Variants in PCDHA4 observed in about 807,000 individuals in gnomAD.
PCDHA4 encodes protocadherin alpha-4.
Under a neutral mutation model 61.4 loss-of-function variants are expected in PCDHA4, and 49 were observed. The ratio of observed to expected loss-of-function variants is 0.80; its 90% CI spans 0.63 to 1.01. PCDHA4 has a LOEUF of 1.01. Among genes scored for constraint, PCDHA4 ranks in the 50% least tolerant of loss-of-function variants. The probability of loss-of-function intolerance (pLI) is 0.00; values close to 1 mark genes in which losing one functional copy is unlikely to be tolerated. For synonymous variants in PCDHA4, 590 were observed against 550.3 expected, an observed-to-expected ratio of 1.07 and a Z score of -1.01; for missense variants, 1,254 against 1,235.8, an observed-to-expected ratio of 1.01 and a Z score of -0.22.
chr5:140,928,105 C>T, intron 1 of PCDHA4: 6 of 1,614,150 alleles, frequency 3.7e-6, no homozygotes, highest in Middle Eastern at 1.6e-4. Flanking sequence ...GCCCCTGGAC[C>T]GGGAGCAGAT....
chr5:140,809,319 T>A lies in PCDHA4; in HGVS notation c.2132T>A (p.Leu711Ter), dbSNP rs782158465. The part of the protein sequence containing the change: ...IIAICAVSSL[L>*]VLTLLLYTAL... ...GCCATCTGCGCGGTGTCCAGCCTTTTGGTGCTCACGCTGCTGCTGTACACC... is the reference window on the plus strand; with the variant it reads ...GCCATCTGCGCGGTGTCCAGCCTTTAGGTGCTCACGCTGCTGCTGTACACC... Residue 711 changes from leucine (L) to a stop codon, truncating the protein, a stop_gained, in exon 1 of 4, where the codon TTG becomes TAG. Coordinates refer to ENST00000530339, the MANE Select transcript of PCDHA4 (RefSeq NM_018907.4). LOFTEE classifies it high-confidence loss of function. The A allele has an allele frequency of 1.9e-6, 3 of 1,614,108 alleles. No individual in the cohort carries two copies. The highest frequency in any genetic ancestry group is 2.2e-5 in the South Asian group (2 of 91,090).
chr5:140,852,042 T>C, intron 1 of PCDHA4: 1 of 921,096 alleles, frequency 1.1e-6, no homozygotes, highest in African/African-American at 1.8e-5. Context: ...GAGTTTTTGT[T>C]ATGTGGTTTA....
intron 1 of PCDHA4, chr5:140,823,705 CA>C: frequency 1.2e-6 from 2 of 1,613,974 alleles, no homozygotes; most frequent in Non-Finnish European, 1.7e-6. Context: ...AGCACCGCGC[CA>C]CCGCCTTCTG....
rs537367595 is a variant in PCDHA4, at chr5:140,855,783, A to G, written c.2385+46211A>G. The G allele has an allele frequency of 2.9e-4, 123 of 423,664 alleles. 6 individuals carry two copies. Among genetic ancestry groups the G allele is most frequent in the Non-Finnish European group, 4.5e-4 (106 of 237,548 alleles). 26.2% of individuals were successfully genotyped at this position (423,664 alleles called of 1,614,324 possible). On this transcript the variant is annotated intron_variant, in intron 1 of 3. Coordinates refer to ENST00000530339, the MANE Select transcript of PCDHA4 (RefSeq NM_018907.4). ...TCCATAGACATAAAAATACGTAAAA[A>G]AAGAATTAACATATGAATGAAAGAA...
intron 1 of PCDHA4, among the ~76,000 whole-genome samples, chr5:140,844,656 C>T (rs1473422243): frequency 6.7e-6 from 1 of 149,316 alleles, no homozygotes; most frequent in African/African-American, 2.5e-5. Flanking sequence ...TTCTTGCAAA[C>T]CAAACATATA....
Position 140,808,173 on chromosome 5 carries a change from C to A in PCDHA4, c.986C>A (p.Pro329Gln). 1 of 1,614,268 alleles carries A rather than the reference C, an allele frequency of 6.2e-7. No homozygotes were observed. The highest frequency in any genetic ancestry group is 8.5e-7 in the Non-Finnish European group (1 of 1,180,054). Reference sequence around the variant, plus strand: ...GAGGGCATTGATAAGGGACAGCTCCCACTTTCTGGCCATTGTAGAGTTATT... The same window carrying A: ...GAGGGCATTGATAAGGGACAGCTCCAACTTTCTGGCCATTGTAGAGTTATT... ...IVEGIDKGQL[P>Q]LSGHCRVIVE... is the part of the protein sequence containing the mutation. The change falls in exon 1 of 4, where the codon CCA becomes CAA. Residue 329 changes from proline (P) to glutamine (Q), a missense_variant. Transcript: ENST00000530339.
intron 1 of PCDHA4, among the ~76,000 whole-genome samples, chr5:140,833,473 A>T (rs1772481648): frequency 6.6e-6 from 1 of 152,222 alleles, no homozygotes; most frequent in African/African-American, 2.4e-5. Context: ...ATTTTAAAAG[A>T]AATAATACAA....
At chr5:141,002,184 T>A (rs1554258557) in intron 3 of PCDHA4, among the ~76,000 whole-genome samples, 1 of 152,218 alleles carries the variant, frequency 6.6e-6, no homozygotes, top group East Asian at 1.9e-4. Flanking sequence ...CAGAGTGCTG[T>A]CTGGCAAGAT....
chr5:140,930,231 A>G (rs1234850185), intron 1 of PCDHA4: 3 of 152,238 alleles, frequency 2.0e-5, no homozygotes, highest in Non-Finnish European at 4.4e-5. Context: ...TGCACTTACC[A>G]TCCAAAGTCC....
intron 1 of PCDHA4, chr5:140,814,277 T>C (rs1218158800): frequency 1.3e-5 from 2 of 152,348 alleles, no homozygotes; most frequent in African/African-American, 2.4e-5. Context: ...CCTAGGACTG[T>C]ATTGGGTCAG....
At chr5:140,911,202 A>C (rs1554194649) in intron 1 of PCDHA4, among the ~76,000 whole-genome samples, 1 of 152,184 alleles carries the variant, frequency 6.6e-6, no homozygotes. Flanking sequence ...ACATGTTGCC[A>C]CTACTGGGGA....
intron 3 of PCDHA4, among the ~76,000 whole-genome samples, chr5:141,005,681 G>A (rs970656529): frequency 2.7e-5 from 3 of 112,616 alleles, no homozygotes; most frequent in African/African-American, 3.6e-5. Flanking sequence ...CAGCCTGGGC[G>A]ACAGAGCGAA....
chr5:140,869,652 A>C (rs2051311295), intron 1 of PCDHA4: 4 of 1,613,458 alleles, frequency 2.5e-6, no homozygotes, highest in South Asian at 2.2e-5. Context: ...TAGATTCACC[A>C]ACAAATGGTA....
At position 140,877,725 on chromosome 5, in the gene PCDHA4, G is replaced by T. The variant is rs570815670; in HGVS notation, c.2385+68153G>T. On this transcript the variant is annotated intron_variant, in intron 1 of 3. Coordinates refer to ENST00000530339, the MANE Select transcript of PCDHA4 (RefSeq NM_018907.4). Reference sequence around the variant, plus strand: ...GCGCCGTGGGGAGTTGGTCTTACTCGCAGCAGAGGAGGCAGAGGGTGTGCT... The same window carrying T: ...GCGCCGTGGGGAGTTGGTCTTACTCTCAGCAGAGGAGGCAGAGGGTGTGCT... 5.6e-6 allele frequency: 9 copies of T among 1,614,124 alleles called. No individual in the cohort carries two copies. The South Asian group carries it at 8.8e-5, about 16-fold the overall frequency.
chr5:140,968,488 C>A, intron 1 of PCDHA4: 1 of 1,614,148 alleles, frequency 6.2e-7, no homozygotes, highest in South Asian at 1.1e-5. Context: ...ACATGAATGA[C>A]CATGCCCCTC....
At position 140,877,889 on chromosome 5, in the gene PCDHA4, G is replaced by A. The variant is rs904032241; in HGVS notation, c.2385+68317G>A. On this transcript the variant is annotated intron_variant, in intron 1 of 3. Coordinates refer to ENST00000530339, the MANE Select transcript of PCDHA4 (RefSeq NM_018907.4). ...ATATTTGTTTCCTTGAAGAACTTCC[G>A]TTTAGGTTATAACTACATTCTCTCA... 3.3e-5 allele frequency: 48 copies of A among 1,457,998 alleles called. No homozygotes were observed. The African/African-American group carries it at 6.0e-4, about 18-fold the overall frequency. 90.3% of individuals were successfully genotyped at this position (1,457,998 alleles called of 1,614,324 possible). A position where few individuals can be genotyped will look rare whatever the true frequency, so the allele number is the denominator to read the frequency against.
At chr5:140,877,149 C>T in intron 1 of PCDHA4, 5 of 1,613,766 alleles carry the variant, frequency 3.1e-6, no homozygotes, top group Non-Finnish European at 4.2e-6. Flanking sequence ...TGGACGAGAA[C>T]GACAACGCGC....
intron 1 of PCDHA4, among the ~76,000 whole-genome samples, chr5:140,920,362 T>C (rs1167382464): frequency 6.6e-6 from 1 of 152,238 alleles, no homozygotes; most frequent in African/African-American, 2.4e-5. Context: ...GTTCTATTCA[T>C]TTATTCTTGT....
intron 1 of PCDHA4, chr5:140,967,077 G>A (rs1483899506): frequency 1.9e-6 from 3 of 1,613,140 alleles, no homozygotes; most frequent in South Asian, 1.1e-5. Context: ...GTCAACGAGC[G>A]CATTGATCGG....
Sources: gnomAD v4.1 joint callset for allele counts (sites outside exome capture counted in the v4.1 genomes callset) on GRCh38, gnomAD v4.1.1 for gene constraint, MANE v1.5 for transcripts, NCBI Gene and HGNC (gene_info 2026-07-23, HGNC 2026-07-21) for gene names.